Variants in PRDM9 observed in about 807,000 individuals in gnomAD.
The protein encoded by PRDM9 is histone-lysine N-methyltransferase PRDM9.
PRDM9 carries 47 observed loss-of-function variants against 55.6 expected under a neutral mutation model. The observed-to-expected ratio is 0.85, with a 90% confidence interval of 0.67 to 1.08. The LOEUF (loss-of-function observed/expected upper bound fraction) is 1.08. Among genes scored for constraint, PRDM9 ranks in the 50% least tolerant of loss-of-function variants. The pLI, the probability that PRDM9 is intolerant of heterozygous loss-of-function variation, is 0.00. For synonymous variants in PRDM9, 312 were observed against 375.7 expected (o/e 0.83, Z 1.96); for missense variants, 867 against 1,040.3 (o/e 0.83, Z 2.29).
chr5:23,512,757 AC>A lies in PRDM9; in HGVS notation c.301+2733del, dbSNP rs558152830. Among the ~76,000 whole-genome samples, 403 of 152,220 alleles carry A rather than the reference AC, an allele frequency of 2.6e-3. 2 individuals are homozygous for A. Among genetic ancestry groups the A allele is most frequent in the African/African-American group, 9.1e-3 (379 of 41,542 alleles). On this transcript the variant is annotated intron_variant, in intron 4 of 10. Transcript: ENST00000296682. The stretch of plus-strand genomic sequence containing the variant: ...TTATCTTGCATGACTAAAACCCTAT[AC>A]CCATTGAACAATAACACCCCATTTC...
In PRDM9 at chr5:23,516,498, G is replaced by A. The variant is rs1375174659; in HGVS notation, c.302-1383G>A. On this transcript the variant is annotated intron_variant, in intron 4 of 10. Coordinates refer to ENST00000296682, the MANE Select transcript of PRDM9 (RefSeq NM_020227.4). Reference sequence around the variant, plus strand: ...CGCCATTCTCCTGCCTCAGCCTCTCGAGTAGCTGGGACTACAGGCGCCCGC... The same window carrying A: ...CGCCATTCTCCTGCCTCAGCCTCTCAAGTAGCTGGGACTACAGGCGCCCGC... Among the ~76,000 whole-genome samples the A allele has an allele frequency of 6.0e-5, 9 of 151,198 alleles. No homozygotes were observed. In the East Asian group the frequency reaches 8.0e-4, roughly 13 times the overall value.
chr5:23,512,402 A>G (rs1739116472), intron 4 of PRDM9, among the ~76,000 whole-genome samples: 1 of 152,154 alleles, frequency 6.6e-6, no homozygotes, highest in African/African-American at 2.4e-5. Context: ...TAGAGAAAGC[A>G]ACTTGGATTG....
At position 23,526,448 on chromosome 5, in the gene PRDM9, C is replaced by T. The variant is rs1229596657; in HGVS notation, c.1360C>T (p.Gln454Ter). 6.2e-7 allele frequency: 1 copy of T among 1,614,036 alleles called. No homozygotes were observed. Among genetic ancestry groups the T allele is most frequent in the Non-Finnish European group, 8.5e-7 (1 of 1,180,034 alleles). ...PHSRNDKTKG[Q>*]EIKERSKLLN... ...CAGCCGTAATGACAAAACCAAAGGT[C>T]AAGAGATCAAAGAAAGGTCCAAACT... The change falls in exon 11 of 11, where the codon CAA becomes TAA. Residue 454 changes from glutamine to a stop codon, truncating the protein, a stop_gained. Transcript: ENST00000296682. LOFTEE classifies it low-confidence loss of function (END_TRUNC).
rs752289634 is a variant in PRDM9 at position 23,521,151 on chromosome 5, C to G, written c.480C>G (p.Thr160=). The G allele has an allele frequency of 6.2e-7, 1 of 1,613,586 alleles. No homozygotes were observed. The highest frequency in any genetic ancestry group is 2.2e-5 in the East Asian group (1 of 44,856). Residue 160 remains threonine, a synonymous_variant, in exon 6 of 11, where the codon ACC becomes ACG. Coordinates refer to ENST00000296682, the MANE Select transcript of PRDM9 (RefSeq NM_020227.4). ...TGTCCCCTTCTGGAGAAGCAAGTAC[C>G]TCTGGACAGCACTCAAGACTAAAAC... The part of the protein sequence containing the change: ...KPVSPSGEAS[T]SGQHSRLKLE...
intron 4 of PRDM9, among the ~76,000 whole-genome samples, chr5:23,515,599 T>C (rs2126416074): frequency 1.3e-5 from 2 of 152,358 alleles, no homozygotes; most frequent in East Asian, 3.9e-4. Flanking sequence ...CATTTCAATG[T>C]CATAAGCTTT....
chr5:23,524,257 A>T, intron 9 of PRDM9, 77 bp from the exon 10 acceptor site: 1 of 1,549,092 alleles, frequency 6.5e-7, no homozygotes. Context: ...CTAGACCAGC[A>T]GGTGATGGGC....
intron 10 of PRDM9, among the ~76,000 whole-genome samples, chr5:23,524,982 C>T (rs1373867124): frequency 6.6e-6 from 1 of 152,200 alleles, no homozygotes; most frequent in Non-Finnish European, 1.5e-5. Flanking sequence ...TTGATCAAGA[C>T]AATCAGAAAA....
chr5:23,521,937 G>A (rs1415965093), intron 6 of PRDM9, among the ~76,000 whole-genome samples: 3 of 152,154 alleles, frequency 2.0e-5, no homozygotes, highest in Non-Finnish European at 2.9e-5. Flanking sequence ...GTTTGTAGAA[G>A]ATCCCCTATA....
At chr5:23,520,968 GTAAAGAAC>G in intron 5 of PRDM9, 47 bp from the exon 6 acceptor site, 1 of 1,591,954 alleles carries the variant, frequency 6.3e-7, no homozygotes, top group Non-Finnish European at 8.6e-7. Flanking sequence ...GTTGCAAGCC[GTAAAGAAC>G]TAAAGAAATT....
chr5:23,522,185 G>C, intron 6 of PRDM9, 119 bp from the exon 7 acceptor site: 2 of 872,198 alleles, frequency 2.3e-6, no homozygotes, highest in South Asian at 1.3e-5. Flanking sequence ...TAAAGAGGGG[G>C]ACACTAGAGT....
rs751504204 is a variant in PRDM9, at chr5:23,522,599, T to C, written c.611-15T>C. ...GCATTACAACTTTCCTAATCTCTGC[T>C]TCCCTCACTTCCAGATTGTGAGATG... On this transcript the variant is annotated splice_polypyrimidine_tract_variant and intron_variant, in intron 7 of 10. Transcript: ENST00000296682. 8 of 1,614,118 alleles carry C rather than the reference T, an allele frequency of 5.0e-6. No individual in the cohort carries two copies. The highest frequency in any genetic ancestry group is 5.9e-6 in the Non-Finnish European group (7 of 1,180,048).
Position 23,522,793 on chromosome 5 carries a change from G to A in PRDM9, c.790G>A (p.Ala264Thr), listed in dbSNP as rs2126428216. ...PQAGLGVWNEASDLPLGLHFG... is the reference protein window; with the variant it reads ...PQAGLGVWNETSDLPLGLHFG... ...GGCTGGGCTTGGAGTATGGAATGAG[G>A]CATCTGATCTGCCGCTGGGTCTGCA... is the stretch of plus-strand genomic sequence containing the variant. Residue 264 changes from alanine to threonine, a missense_variant, in exon 8 of 11, where the codon GCA becomes ACA. By Grantham distance (58) the Ala-to-Thr change is moderately conservative (BLOSUM62 0). Around this residue, in one of 5 missense-constraint regions of PRDM9, gnomAD observed 662 missense variants for 711.9 expected, o/e 0.93. Coordinates refer to ENST00000296682, the MANE Select transcript of PRDM9 (RefSeq NM_020227.4). 1.9e-6 allele frequency: 3 copies of A among 1,614,218 alleles called. No homozygotes were observed. The highest frequency in any genetic ancestry group is 2.5e-6 in the Non-Finnish European group (3 of 1,180,052).
At position 23,509,835 on chromosome 5, in the gene PRDM9, G is replaced by C. The variant is rs1739054391; in HGVS notation, c.194-85G>C. On this transcript the variant is annotated intron_variant, in intron 3 of 10. Coordinates refer to ENST00000296682, the MANE Select transcript of PRDM9 (RefSeq NM_020227.4). ...CAGCTCATCAGACTGAGCAGCACTG[G>C]CTTTGTGGTGCTTTCCATTGCCACT... 2.7e-6 allele frequency: 4 copies of C among 1,464,790 alleles called. No individual in the cohort carries two copies. The East Asian group carries it at 6.8e-5, about 25-fold the overall frequency. The allele number at this position is 1,464,790 out of a possible 1,614,324, so 90.7% of individuals were successfully genotyped here.
intron 4 of PRDM9, among the ~76,000 whole-genome samples, chr5:23,513,337 G>C (rs1381386941): frequency 6.6e-6 from 1 of 152,166 alleles, no homozygotes. Context: ...AGGTGAATTA[G>C]GTAATGATAG....
chr5:23,528,063 C>A lies in PRDM9; in HGVS notation c.*290C>A, dbSNP rs879084719. 16 of 515,232 alleles carry A rather than the reference C, an allele frequency of 3.1e-5. No individual in the cohort carries two copies. In the South Asian group the frequency reaches 3.4e-4, roughly 11 times the overall value. The allele number at this position is 515,232 out of a possible 1,614,324, so 31.9% of individuals were successfully genotyped here. ...TTTGTTTGTTTTTTTGCCTCCTGTT[C>A]TAATAAATTTTGTCTCCATACAAAT... On this transcript the variant is annotated 3_prime_UTR_variant, in exon 11 of 11. Transcript: ENST00000296682.
At chr5:23,511,593 G>A (rs900376497) in intron 4 of PRDM9, among the ~76,000 whole-genome samples, 4 of 152,158 alleles carry the variant, frequency 2.6e-5, no homozygotes, top group Non-Finnish European at 2.9e-5. Flanking sequence ...CAGTCCACCC[G>A]CCTTGGTCTC....
At chr5:23,510,049 ATTTTTTT>A (rs34033521) in intron 4 of PRDM9, 22 bp downstream of exon 4, 40 of 1,252,472 alleles carry the variant, frequency 3.2e-5, no homozygotes, top group East Asian at 5.6e-5. Context: ...GGGAAGTAGG[ATTTTTTT>A]TTTTTTTTTT....
At chr5:23,510,405 T>C (rs1223191814) in intron 4 of PRDM9, among the ~76,000 whole-genome samples, 1 of 151,714 alleles carries the variant, frequency 6.6e-6, no homozygotes, top group East Asian at 1.9e-4. Context: ...CCCTCTGTCA[T>C]CCAGGCTGGA....
At chr5:23,517,391 C>T (rs778214487) in intron 4 of PRDM9, among the ~76,000 whole-genome samples, 11 of 151,962 alleles carry the variant, frequency 7.2e-5, no homozygotes, top group Non-Finnish European at 1.2e-4. Flanking sequence ...TTAATAGAAA[C>T]ATAGGCCTTA....
Sources: gnomAD v4.1 joint callset for allele counts (sites outside exome capture counted in the v4.1 genomes callset) on GRCh38, gnomAD v4.1.1 for gene constraint, gnomAD v4.1.1 regional missense constraint, MANE v1.5 for transcripts, NCBI Gene and HGNC (gene_info 2026-07-23, HGNC 2026-07-21) for gene names.